The following DLGAP2 variants were observed in gnomAD, a reference collection of about 807,000 sequenced individuals.
The protein encoded by DLGAP2 is DLG associated protein 2, also known as disks large-associated protein 2.
A neutral mutation model predicts 100.3 loss-of-function variants in DLGAP2; 26 were observed. That is an observed-to-expected ratio of 0.26 (90% CI 0.19 to 0.36). The LOEUF (loss-of-function observed/expected upper bound fraction) is 0.36. Among genes scored for constraint, DLGAP2 ranks in the 10% least tolerant of loss-of-function variants. The pLI is 1.00. For synonymous variants in DLGAP2, 886 were observed against 630.1 expected (o/e 1.41, Z -6.08); for missense variants, 1,858 against 1,453.2 (o/e 1.28, Z -4.53).
chr8:895,070 G>T (rs1469935019), intron 1 of DLGAP2, among the ~76,000 whole-genome samples: 1 of 150,924 alleles, frequency 6.6e-6, no homozygotes. Flanking sequence ...GAGTCAGCTG[G>T]GTGGGCTGGT....
At chr8:1,138,203 C>T (rs1306323629) in intron 2 of DLGAP2, among the ~76,000 whole-genome samples, 1 of 152,204 alleles carries the variant, frequency 6.6e-6, no homozygotes, top group South Asian at 2.1e-4. Context: ...AAGCGCAGCT[C>T]CTGGGTGGCT....
chr8:1,130,767 G>A (rs78827915), intron 2 of DLGAP2, among the ~76,000 whole-genome samples: 3 of 152,212 alleles, frequency 2.0e-5, no homozygotes, highest in Non-Finnish European at 2.9e-5. Context: ...TCATCTTTGC[G>A]GGAAAATGGA....
At chr8:1,318,691 A>G (rs1800823012) in intron 3 of DLGAP2, among the ~76,000 whole-genome samples, 2 of 151,780 alleles carry the variant, frequency 1.3e-5, no homozygotes, top group Non-Finnish European at 2.9e-5. Context: ...CTAAGTTACC[A>G]CTTTCAAAAT....
chr8:1,132,391 C>G (rs1410467482), intron 2 of DLGAP2, among the ~76,000 whole-genome samples: 1 of 152,180 alleles, frequency 6.6e-6, no homozygotes, highest in African/African-American at 2.4e-5. Flanking sequence ...GTACAAATTT[C>G]TGTAATATTA....
chr8:986,103 A>G (rs1478685737), intron 2 of DLGAP2, among the ~76,000 whole-genome samples: 3 of 151,062 alleles, frequency 2.0e-5, no homozygotes, highest in Admixed American at 1.3e-4. Flanking sequence ...AGGGGGGAGT[A>G]TGGCTGGTTG....
intron 2 of DLGAP2, among the ~76,000 whole-genome samples, chr8:925,656 A>G (rs899851000): frequency 2.0e-5 from 3 of 152,156 alleles, no homozygotes; most frequent in African/African-American, 7.2e-5. Flanking sequence ...ATTTGTTTAC[A>G]CATATGTAGA....
chr8:1,161,436 A>G (rs1179667194), intron 2 of DLGAP2, among the ~76,000 whole-genome samples: 1 of 152,210 alleles, frequency 6.6e-6, no homozygotes, highest in Admixed American at 6.5e-5. Context: ...AAGGCTTTAA[A>G]TGCTGGCAGA....
chr8:820,648 T>A (rs562417357), intron 1 of DLGAP2, among the ~76,000 whole-genome samples: 1 of 152,236 alleles, frequency 6.6e-6, no homozygotes, highest in Non-Finnish European at 1.5e-5. Context: ...TATGTGGCAA[T>A]GTAAATGGAA....
chr8:816,906 C>T (rs915321191), intron 1 of DLGAP2, among the ~76,000 whole-genome samples: 9 of 152,278 alleles, frequency 5.9e-5, no homozygotes, highest in Middle Eastern at 6.8e-3. Flanking sequence ...AGGCTTTGTT[C>T]ATATTGAGTG....
intron 8 of DLGAP2, among the ~76,000 whole-genome samples, chr8:1,653,446 C>T (rs1033021962): frequency 1.3e-5 from 2 of 152,240 alleles, no homozygotes; most frequent in African/African-American, 4.8e-5. Flanking sequence ...AGGCTGCCGG[C>T]TTCCTGGCCC....
intron 3 of DLGAP2, among the ~76,000 whole-genome samples, chr8:1,280,565 A>C (rs529260527): frequency 4.6e-4 from 70 of 152,302 alleles, no homozygotes; most frequent in African/African-American, 1.5e-3. Context: ...AAAGAACTTC[A>C]TGGGAGAAGT....
At chr8:1,509,040 A>G (rs1184904251) in intron 4 of DLGAP2, among the ~76,000 whole-genome samples, 1 of 152,204 alleles carries the variant, frequency 6.6e-6, no homozygotes, top group Non-Finnish European at 1.5e-5. Flanking sequence ...ACAACAGAGA[A>G]GTATAGACTA....
At chr8:914,160 A>G in intron 2 of DLGAP2, among the ~76,000 whole-genome samples, 1 of 152,388 alleles carries the variant, frequency 6.6e-6, no homozygotes, top group African/African-American at 2.4e-5. Flanking sequence ...TTGTGCGAAC[A>G]GAATTCCATA....
At chr8:1,262,697 A>G (rs539059581) in intron 3 of DLGAP2, 3 of 152,332 alleles carry the variant, frequency 2.0e-5, no homozygotes, top group African/African-American at 7.2e-5. Flanking sequence ...CTATATAGCA[A>G]TAAGAGGGCA....
intron 11 of DLGAP2, among the ~76,000 whole-genome samples, chr8:1,677,020 C>G (rs1031810411): frequency 6.6e-6 from 1 of 152,186 alleles, no homozygotes; most frequent in African/African-American, 2.4e-5. Context: ...AATTGTTTCA[C>G]TTCAAAAATA....
chr8:1,545,355 G>A (rs1295531919), intron 4 of DLGAP2, among the ~76,000 whole-genome samples: 2 of 152,076 alleles, frequency 1.3e-5, no homozygotes, highest in Non-Finnish European at 2.9e-5. Context: ...TATTTAGATT[G>A]GGTAGGCCGG....
intron 1 of DLGAP2, among the ~76,000 whole-genome samples, chr8:787,973 C>CCAGGATGCTCTGTGGCT (rs1202389852): frequency 3.5e-5 from 4 of 115,118 alleles, no homozygotes; most frequent in African/African-American, 8.2e-5. Context: ...CACCTCCAAG[C>CCAGGATGCTCTGTGGCT]CAGGATGCTC....
chr8:1,691,434 C>G (rs1715822573), intron 12 of DLGAP2, 101 bp from the exon 13 acceptor site: 1 of 990,824 alleles, frequency 1.0e-6, no homozygotes, highest in African/African-American at 1.6e-5. Flanking sequence ...CAGTTTTCAT[C>G]TCCAGTGGGA....
chr8:1,278,572 G>C (rs567265577), intron 3 of DLGAP2, among the ~76,000 whole-genome samples: 4 of 152,306 alleles, frequency 2.6e-5, no homozygotes, highest in African/African-American at 9.6e-5. Context: ...GTAAAATTCA[G>C]ATTTTAATAA....
Sources: gnomAD v4.1 joint callset for allele counts (sites outside exome capture counted in the v4.1 genomes callset) on GRCh38, gnomAD v4.1.1 for gene constraint, MANE v1.5 for transcripts, NCBI Gene and HGNC (gene_info 2026-07-23, HGNC 2026-07-21) for gene names.